Variants in EP400 observed in about 807,000 individuals in gnomAD.
EP400 encodes the protein E1A binding protein p400, also known as E1A-binding protein p400.
Under a neutral mutation model 354.1 loss-of-function variants are expected in EP400, and 105 were observed. That is an observed-to-expected ratio of 0.30 (90% CI 0.25 to 0.35). The LOEUF (loss-of-function observed/expected upper bound fraction) is 0.35. Among genes scored for constraint, EP400 ranks in the 10% least tolerant of loss-of-function variants. EP400 has a pLI of 1.00. For missense variants in EP400, 3,280 were observed against 4,121.0 expected (o/e 0.80, Z 5.59); for synonymous variants, 1,646 against 1,716.9 (o/e 0.96, Z 1.02).
Position 132,018,805 on chromosome 12 carries a change from T to C in EP400, c.4277+429T>C, listed in dbSNP as rs1894027757. On this transcript the variant is annotated intron_variant, in intron 21 of 52. Transcript: ENST00000389561. This position sits in a 1 kb window ranked among gnomAD's most constrained non-coding sequence, Gnocchi z 4.0. ...GATGCTTTTGCGGGTGTCATGAGGC[T>C]GGGAGGGACAGACACGTTAGATGAT... Among the ~76,000 whole-genome samples, 1 of 152,174 alleles carries C rather than the reference T, an allele frequency of 6.6e-6. No individual in the cohort carries two copies. The highest frequency in any genetic ancestry group is 2.4e-5 in the African/African-American group (1 of 41,430).
intron 14 of EP400, 107 bp downstream of exon 14, chr12:132,006,409 C>T: frequency 7.6e-7 from 1 of 1,317,500 alleles, no homozygotes; most frequent in Non-Finnish European, 1.0e-6. Flanking sequence ...TCTATCCCAA[C>T]TGCAGAGTTG....
intron 38 of EP400, 57 bp downstream of exon 38, chr12:132,045,617 G>A (rs553791806): frequency 3.1e-5 from 49 of 1,606,214 alleles, no homozygotes; most frequent in South Asian, 1.7e-4. Flanking sequence ...TCTAACGCAC[G>A]TCCGTGCATC....
intron 41 of EP400, among the ~76,000 whole-genome samples, chr12:132,051,657 T>A (rs1895293567): frequency 6.6e-6 from 1 of 152,164 alleles, no homozygotes. Flanking sequence ...GAGCCAGGTG[T>A]ACAAGATGGA....
rs1314932516 is a variant in EP400 at position 132,050,106 on chromosome 12, A to G, written c.7201-217A>G. ...GAGAGAACACCTGGAAAGGATTAGC[A>G]TGGACTGGAGAGTGTCACAGCAGTC... is the stretch of plus-strand genomic sequence containing the variant. On this transcript the variant is annotated intron_variant, in intron 39 of 52. Coordinates refer to ENST00000389561, the MANE Select transcript of EP400 (RefSeq NM_015409.5). This position sits in a 1 kb window ranked among gnomAD's most constrained non-coding sequence, Gnocchi z 4.8. 6.6e-6 allele frequency among the ~76,000 whole-genome samples: 1 copy of G among 152,156 alleles called. No individual in the cohort carries two copies. Among genetic ancestry groups the G allele is most frequent in the Non-Finnish European group, 1.5e-5 (1 of 68,030 alleles).
intron 1 of EP400, among the ~76,000 whole-genome samples, chr12:131,954,605 A>G (rs1042677638): frequency 2.0e-5 from 3 of 150,746 alleles, no homozygotes; most frequent in Non-Finnish European, 4.4e-5. Flanking sequence ...TACGCCTGTA[A>G]TCCCAGCTAC....
At chr12:132,077,053 G>A (rs894764259) in intron 52 of EP400, among the ~76,000 whole-genome samples, 2 of 152,238 alleles carry the variant, frequency 1.3e-5, no homozygotes, top group Non-Finnish European at 2.9e-5. Context: ...GTAAAGCGGT[G>A]CTTTAAACTT....
At chr12:132,032,694 G>A (rs1430902153) in intron 30 of EP400, among the ~76,000 whole-genome samples, 6 of 150,148 alleles carry the variant, frequency 4.0e-5, no homozygotes, top group East Asian at 2.0e-4. Context: ...GCAGTGGCAC[G>A]ATCTTGGCTC....
At position 132,053,517 on chromosome 12, in the gene EP400, C is replaced by CCCCAGA; in HGVS notation, c.7654_7659dup (p.Thr2552_Gln2553dup). On this transcript the variant is annotated inframe_insertion, in exon 43 of 53. Coordinates refer to ENST00000389561, the MANE Select transcript of EP400 (RefSeq NM_015409.5). ...TGTCCAGCCCCAACCCCAGCCACAGCCCCAGACCCAGCCACAGCCTGTGCA... is the reference window on the plus strand; with the variant it reads ...TGTCCAGCCCCAACCCCAGCCACAGCCCCAGACCCAGACCCAGCCACAGCCTGTGCA... The CCCCAGA allele has an allele frequency of 6.5e-7, 1 of 1,543,602 alleles. No individual in the cohort carries two copies. The highest frequency in any genetic ancestry group is 8.7e-7 in the Non-Finnish European group (1 of 1,151,062).
intron 2 of EP400, among the ~76,000 whole-genome samples, chr12:131,970,220 G>A (rs1378556034): frequency 6.6e-6 from 1 of 152,216 alleles, no homozygotes; most frequent in South Asian, 2.1e-4. Context: ...TAGGCCAGGA[G>A]TGCCTATCAA....
chr12:132,027,945 G>C lies in EP400; in HGVS notation c.5110-72G>C, dbSNP rs907087222. 23 of 1,516,516 alleles carry C rather than the reference G, an allele frequency of 1.5e-5. No individual in the cohort carries two copies. The highest frequency in any genetic ancestry group is 9.1e-5 in the East Asian group (4 of 43,980). The allele number at this position is 1,516,516 out of a possible 1,614,324, so 93.9% of individuals were successfully genotyped here. On this transcript the variant is annotated intron_variant, in intron 26 of 52. Coordinates refer to ENST00000389561, the MANE Select transcript of EP400 (RefSeq NM_015409.5). This position sits in a 1 kb window ranked among gnomAD's most constrained non-coding sequence, Gnocchi z 4.9. ...ATATGTGGGAAATCACGGGCTGGGT[G>C]GGGGGTTGGTGAAGACAGGAACTTG...
chr12:131,962,898 C>T (rs1891941509), intron 2 of EP400, among the ~76,000 whole-genome samples: 1 of 152,204 alleles, frequency 6.6e-6, no homozygotes. Flanking sequence ...TGAACAAAAG[C>T]TAGTCTCTTT....
chr12:132,067,265 T>A lies in EP400; in HGVS notation c.8750-97T>A. The A allele has an allele frequency of 1.3e-6, 2 of 1,513,798 alleles. No individual in the cohort carries two copies. The highest frequency in any genetic ancestry group is 1.8e-6 in the Non-Finnish European group (2 of 1,125,306). 93.8% of individuals were successfully genotyped at this position (1,513,798 alleles called of 1,614,324 possible). A position where few individuals can be genotyped will look rare whatever the true frequency, so the allele number is the denominator to read the frequency against. Reference sequence around the variant, plus strand: ...TGTCTCCATAGAGTTTCATAGTTTGTTATTTTCTGTAGAGGTGAGTCAGTT... The same window carrying A: ...TGTCTCCATAGAGTTTCATAGTTTGATATTTTCTGTAGAGGTGAGTCAGTT... On this transcript the variant is annotated intron_variant, in intron 49 of 52. Coordinates refer to ENST00000389561, the MANE Select transcript of EP400 (RefSeq NM_015409.5). This position sits in a 1 kb window ranked among gnomAD's most constrained non-coding sequence, Gnocchi z 5.3.
chr12:132,031,323 C>G (rs750684982), intron 29 of EP400: 2 of 519,052 alleles, frequency 3.9e-6, no homozygotes, highest in African/African-American at 1.9e-5. Context: ...CAGTAAGACG[C>G]TGTTTTCTTT....
chr12:132,064,479 C>T (rs1895821229), intron 47 of EP400, among the ~76,000 whole-genome samples, 189 bp from the exon 48 acceptor site: 1 of 152,192 alleles, frequency 6.6e-6, no homozygotes, highest in Non-Finnish European at 1.5e-5. Flanking sequence ...CCGACGAATG[C>T]ACATTTTTAA....
intron 29 of EP400, among the ~76,000 whole-genome samples, chr12:132,030,421 G>C (rs962930736): frequency 2.0e-5 from 3 of 152,244 alleles, no homozygotes; most frequent in Non-Finnish European, 4.4e-5. Flanking sequence ...CGTACTTCAA[G>C]AGGTGGCTAC....
intron 30 of EP400, among the ~76,000 whole-genome samples, chr12:132,037,195 C>G (rs572650815): frequency 6.6e-6 from 1 of 152,038 alleles, no homozygotes; most frequent in Admixed American, 6.5e-5. Context: ...AGCTCACGGT[C>G]GTAATTGAAC....
In EP400 at chr12:132,077,738, A is replaced by G. The variant is rs1896280930; in HGVS notation, c.*65A>G. 1.3e-6 allele frequency: 2 copies of G among 1,487,006 alleles called. No individual in the cohort carries two copies. The highest frequency in any genetic ancestry group is 2.3e-5 in the Admixed American group (1 of 43,624). The allele number at this position is 1,487,006 out of a possible 1,614,324, so 92.1% of individuals were successfully genotyped here. Reference sequence around the variant, plus strand: ...CCTTCCTCACAGAAAACGCTTTATTAGTGAACCTTGGGACCATGTCACGCA... The same window carrying G: ...CCTTCCTCACAGAAAACGCTTTATTGGTGAACCTTGGGACCATGTCACGCA... On this transcript the variant is annotated 3_prime_UTR_variant, in exon 53 of 53. Transcript: ENST00000389561.
At chr12:132,057,251 A>C (rs1895544372) in intron 45 of EP400, among the ~76,000 whole-genome samples, 1 of 152,240 alleles carries the variant, frequency 6.6e-6, no homozygotes, top group Admixed American at 6.5e-5. Context: ...TCAAAAAGAA[A>C]ACAGCCTAAA....
At chr12:131,951,967 G>C (rs1288404573) in intron 1 of EP400, among the ~76,000 whole-genome samples, 1 of 149,878 alleles carries the variant, frequency 6.7e-6, no homozygotes, top group Non-Finnish European at 1.5e-5. Context: ...TTAATTTTTA[G>C]TAGAGAGGGG....
Sources: allele counts gnomAD v4.1 joint callset (sites outside exome capture counted in the v4.1 genomes callset), GRCh38; gene constraint gnomAD v4.1.1; non-coding constraint Gnocchi (gnomAD v3.1); transcripts MANE v1.5; gene names NCBI Gene and HGNC (gene_info 2026-07-23, HGNC 2026-07-21).